The following PRKCQ variants were observed in gnomAD, a reference collection of about 807,000 sequenced individuals.
PRKCQ encodes the protein protein kinase C theta type.
PRKCQ carries 41 observed loss-of-function variants against 91.2 expected under a neutral mutation model. That is an observed-to-expected ratio of 0.45 (90% confidence interval 0.35 to 0.58). The LOEUF (loss-of-function observed/expected upper bound fraction) is 0.58. Ranked by LOEUF, PRKCQ falls within the 20% of genes least tolerant of loss-of-function variation. PRKCQ has a pLI of 0.00. For missense variants in PRKCQ, 673 were observed against 896.5 expected, an observed-to-expected ratio of 0.75 and a Z score of 3.18; for synonymous variants, 307 against 316.9, an observed-to-expected ratio of 0.97 and a Z score of 0.33.
intron 16 of PRKCQ, among the ~76,000 whole-genome samples, chr10:6,434,937 T>C (rs751928069): frequency 3.5e-4 from 54 of 152,254 alleles, no homozygotes; most frequent in Non-Finnish European, 7.1e-4. Context: ...TTTTTTGAGA[T>C]GGAGTCTTGC....
downstream of PRKCQ, among the ~76,000 whole-genome samples, chr10:6,422,490 G>T (rs747185902): frequency 3.3e-5 from 5 of 152,120 alleles, no homozygotes; most frequent in Non-Finnish European, 7.3e-5. Flanking sequence ...CATCAAACAG[G>T]CTTGGGATCT....
At chr10:6,440,711 G>A (rs1833926187) in intron 16 of PRKCQ, among the ~76,000 whole-genome samples, 2 of 152,144 alleles carry the variant, frequency 1.3e-5, no homozygotes, top group African/African-American at 4.8e-5. Flanking sequence ...TGATGAGGCT[G>A]GGCATGGTGG....
At chr10:6,504,898 CT>C (rs144026385) in intron 4 of PRKCQ, among the ~76,000 whole-genome samples, 179 of 144,120 alleles carry the variant, frequency 1.2e-3, no homozygotes, top group Middle Eastern at 7.1e-3. Flanking sequence ...AAGATTTATT[CT>C]TTTTTTTTTT....
chr10:6,440,494 GT>G (rs1405793735), intron 16 of PRKCQ, among the ~76,000 whole-genome samples: 1 of 152,128 alleles, frequency 6.6e-6, no homozygotes, highest in African/African-American at 2.4e-5. Flanking sequence ...AATAAGAACT[GT>G]TTTTTTCTGC....
At chr10:6,467,361 G>C (rs906282530) in intron 12 of PRKCQ, among the ~76,000 whole-genome samples, 3 of 120,390 alleles carry the variant, frequency 2.5e-5, no homozygotes, top group African/African-American at 2.9e-5. Context: ...GAGAGACAGA[G>C]AGAGAGAGAG....
intron 8 of PRKCQ, 89 bp downstream of exon 8, chr10:6,491,594 C>T (rs1412442793): frequency 1.9e-6 from 3 of 1,543,494 alleles, no homozygotes; most frequent in African/African-American, 2.7e-5. Context: ...AGTGGTACCC[C>T]CTACATCCTC....
intron 15 of PRKCQ, 74 bp from the exon 16 acceptor site, chr10:6,442,155 A>C: frequency 9.9e-6 from 14 of 1,415,506 alleles, no homozygotes; most frequent in Non-Finnish European, 1.4e-5. Context: ...TGAGCGTCTC[A>C]AGGCCACTCA....
At chr10:6,481,685 T>C (rs1836604408) in intron 11 of PRKCQ, among the ~76,000 whole-genome samples, 1 of 152,206 alleles carries the variant, frequency 6.6e-6, no homozygotes, top group Admixed American at 6.5e-5. Context: ...TTAGTTTGTT[T>C]AATATTAAAT....
rs540431139 is a variant in PRKCQ at position 6,506,466 on chromosome 10, G to A, written c.379+970C>T. The stretch of plus-strand genomic sequence containing the variant: ...TTTCTTCAGATCGAATAAATCTTTC[G>A]CCTTTTACTAAAATATTTCAGCATA... On this transcript the variant is annotated intron_variant, in intron 4 of 17. Transcript: ENST00000263125. Among the ~76,000 whole-genome samples, 247 of 151,966 alleles carry A rather than the reference G, an allele frequency of 1.6e-3. 2 individuals are homozygous for A. The highest frequency in any genetic ancestry group is 5.1e-3 in the African/African-American group (211 of 41,428).
chr10:6,527,311 TC>T (rs1382342183), intron 1 of PRKCQ, among the ~76,000 whole-genome samples: 4 of 152,158 alleles, frequency 2.6e-5, no homozygotes, highest in African/African-American at 9.7e-5. Flanking sequence ...GAGGTCTATG[TC>T]ATATAATTTC....
chr10:6,445,290 G>A (rs2132270510), intron 15 of PRKCQ, among the ~76,000 whole-genome samples: 1 of 152,248 alleles, frequency 6.6e-6, no homozygotes, highest in South Asian at 2.1e-4. Flanking sequence ...AGACAGATCA[G>A]TGCTAAGTGA....
chr10:6,434,916 T>G (rs973084229), intron 16 of PRKCQ, among the ~76,000 whole-genome samples: 1 of 151,916 alleles, frequency 6.6e-6, no homozygotes, highest in African/African-American at 2.4e-5. Flanking sequence ...GTAAAGAGTG[T>G]TTTTTTTCTT....
At chr10:6,483,193 C>T (rs1836708062) in intron 11 of PRKCQ, among the ~76,000 whole-genome samples, 1 of 152,170 alleles carries the variant, frequency 6.6e-6, no homozygotes, top group African/African-American at 2.4e-5. Context: ...AGACATCAAA[C>T]TCATAGGCGT....
chr10:6,540,833 T>C lies in PRKCQ; in HGVS notation c.-9-25689A>G, dbSNP rs545638835. Among the ~76,000 whole-genome samples, 77 of 152,336 alleles carry C rather than the reference T, an allele frequency of 5.1e-4. 1 individual carries two copies. The South Asian group carries it at 0.015, about 30-fold the overall frequency. On this transcript the variant is annotated intron_variant, in intron 1 of 17. Transcript: ENST00000263125. ...TGTTTTCCTCAGAGTCTGTACCACT[T>C]CACATGTCCACCAGCAATTCAAGAA... is the stretch of plus-strand genomic sequence containing the variant.
At chr10:6,444,399 T>A (rs941152601) in intron 15 of PRKCQ, among the ~76,000 whole-genome samples, 1 of 152,170 alleles carries the variant, frequency 6.6e-6, no homozygotes, top group South Asian at 2.1e-4. Context: ...ATAGTTCAGA[T>A]GGTAAATTTC....
At chr10:6,579,254 T>C (rs536054352) in intron 1 of PRKCQ, among the ~76,000 whole-genome samples, 20 of 152,306 alleles carry the variant, frequency 1.3e-4, no homozygotes, top group Middle Eastern at 3.4e-3. Flanking sequence ...TCATTTCCCA[T>C]GGACAGGAAG....
At chr10:6,504,369 T>C (rs925427558) in intron 4 of PRKCQ, among the ~76,000 whole-genome samples, 3 of 152,206 alleles carry the variant, frequency 2.0e-5, no homozygotes, top group Admixed American at 2.0e-4. Context: ...CTCCAACATC[T>C]GTCTCTGACT....
At chr10:6,420,305 T>A in the PRKCQ span, among the ~76,000 whole-genome samples, 2 of 152,182 alleles carry the variant, frequency 1.3e-5, no homozygotes, top group Non-Finnish European at 2.9e-5. Context: ...TTGGGCTTCT[T>A]CCCTAAGGGA....
chr10:6,546,450 A>G (rs1477598600), intron 1 of PRKCQ, among the ~76,000 whole-genome samples: 1 of 152,232 alleles, frequency 6.6e-6, no homozygotes, highest in African/African-American at 2.4e-5. Context: ...AAGCTACATT[A>G]GTTCAAAGAA....
Sources: allele counts gnomAD v4.1 joint callset (sites outside exome capture counted in the v4.1 genomes callset), GRCh38; gene constraint gnomAD v4.1.1; transcripts MANE v1.5; gene names NCBI Gene and HGNC (gene_info 2026-07-23, HGNC 2026-07-21).